ERN1: variants seen among roughly 807,000 people sequenced by gnomAD.
The protein encoded by ERN1 is serine/threonine-protein kinase/endoribonuclease IRE1.
A neutral mutation model predicts 113.1 loss-of-function variants in ERN1; 39 were observed. That is an observed-to-expected ratio of 0.34 (90% CI 0.27 to 0.45). The LOEUF (loss-of-function observed/expected upper bound fraction) is 0.45, where lower values mean the gene tolerates loss of function less well. ERN1 is among the 20% of genes least tolerant of loss of function. The pLI is 1.00. For missense variants in ERN1, 976 were observed against 1,274.8 expected (o/e 0.77, Z 3.57); for synonymous variants, 507 against 515.9 (o/e 0.98, Z 0.23).
intron 1 of ERN1, among the ~76,000 whole-genome samples, chr17:64,122,650 A>G (rs1433399866): frequency 6.6e-6 from 1 of 152,220 alleles, no homozygotes; most frequent in Non-Finnish European, 1.5e-5. Context: ...AGTGTCCTCA[A>G]TAAATTGTGT....
At chr17:64,071,949 C>A in intron 6 of ERN1, 32 bp downstream of exon 6, 1 of 1,550,270 alleles carries the variant, frequency 6.5e-7, no homozygotes, top group Non-Finnish European at 8.7e-7. Flanking sequence ...TGGAAACAGG[C>A]AGGTTGTAGA....
intron 16 of ERN1, 121 bp downstream of exon 16, chr17:64,053,151 A>T: frequency 2.2e-6 from 2 of 921,802 alleles, no homozygotes; most frequent in Non-Finnish European, 1.6e-6. Context: ...CATCTTTGCT[A>T]CTGGTGATAT....
chr17:64,109,020 A>C (rs574151254), intron 1 of ERN1, among the ~76,000 whole-genome samples: 32 of 152,250 alleles, frequency 2.1e-4, no homozygotes, highest in Admixed American at 5.9e-4. Context: ...ATTACTTGGG[A>C]GGCTGAGGCA....
intron 1 of ERN1, among the ~76,000 whole-genome samples, chr17:64,120,888 C>A (rs1333350812): frequency 6.6e-6 from 1 of 152,200 alleles, no homozygotes; most frequent in Non-Finnish European, 1.5e-5. Flanking sequence ...TGATATAATA[C>A]AGCCCCTTTA....
intron 12 of ERN1, 55 bp from the exon 13 acceptor site, chr17:64,056,003 G>A (rs1481568497): frequency 1.1e-5 from 17 of 1,490,572 alleles, no homozygotes; most frequent in South Asian, 8.1e-5. Context: ...AGGGAAACAA[G>A]CAGCTGGGAA....
intron 6 of ERN1, among the ~76,000 whole-genome samples, chr17:64,070,792 T>C (rs1046367688): frequency 5.3e-5 from 8 of 152,228 alleles, no homozygotes; most frequent in Non-Finnish European, 1.2e-4. Context: ...GTTTCTCCTT[T>C]TAGCTTTAAG....
chr17:64,104,075 C>CA (rs112224039), intron 1 of ERN1, among the ~76,000 whole-genome samples: 4,170 of 121,168 alleles, frequency 0.034, 67 homozygotes, highest in Middle Eastern at 0.056. Context: ...CCCATCTTGA[C>CA]AAAAAAAAAA....
At chr17:64,077,947 A>G (rs1011318989) in intron 4 of ERN1, among the ~76,000 whole-genome samples, 9 of 152,004 alleles carry the variant, frequency 5.9e-5, no homozygotes, top group Non-Finnish European at 1.2e-4. Flanking sequence ...GGGTTTCACC[A>G]TGGTCTCGAT....
intron 2 of ERN1, among the ~76,000 whole-genome samples, chr17:64,096,983 A>C (rs780298158): frequency 7.2e-5 from 11 of 152,230 alleles, no homozygotes; most frequent in Non-Finnish European, 1.3e-4. Context: ...TCATCTCTGG[A>C]CAAAATAGGA....
chr17:64,098,137 T>C lies in ERN1; in HGVS notation c.159A>G (p.Lys53=). 1.9e-6 allele frequency: 3 copies of C among 1,614,010 alleles called. No homozygotes were observed. Among genetic ancestry groups the C allele is most frequent in the Non-Finnish European group, 2.5e-6 (3 of 1,179,884 alleles). ...CCAAATTACCTTCTTTTAAAGTCCA[T>C]TTGATTGAGCCTGTCCTCTTGCTGA... ...HAVSKRTGSI[K]WTLKEDPVLQ... The change falls in exon 2 of 22, where the codon AAA becomes AAG. Residue 53 remains lysine (K), a synonymous_variant. Transcript: ENST00000433197.
rs1369824550 is a variant in ERN1 at position 64,079,642 on chromosome 17, A to G, written c.282+20T>C. 1 of 1,604,498 alleles carries G rather than the reference A, an allele frequency of 6.2e-7. No homozygotes were observed. Among genetic ancestry groups the G allele is most frequent in the Admixed American group, 1.7e-5 (1 of 59,990 alleles). On this transcript the variant is annotated intron_variant, in intron 4 of 21. Coordinates refer to ENST00000433197, the MANE Select transcript of ERN1 (RefSeq NM_001433.5). ...TGGTCTAGAACCCCTGGAGTACAAAAAGCAGCTAAATATACTCACCGTCAG... is the reference window on the plus strand; with the variant it reads ...TGGTCTAGAACCCCTGGAGTACAAAGAGCAGCTAAATATACTCACCGTCAG...
chr17:64,059,328 TG>T (rs1912977879), intron 11 of ERN1, among the ~76,000 whole-genome samples: 1 of 152,236 alleles, frequency 6.6e-6, no homozygotes, highest in Non-Finnish European at 1.5e-5. Context: ...GTTGTGCTTT[TG>T]GTCTCGGCAT....
intron 2 of ERN1, among the ~76,000 whole-genome samples, chr17:64,093,684 T>A (rs1914150445): frequency 6.6e-6 from 1 of 152,134 alleles, no homozygotes; most frequent in Non-Finnish European, 1.5e-5. Flanking sequence ...CCCATCTTCA[T>A]GATTATCTCC....
At chr17:64,046,132 G>A (rs993153577) in intron 19 of ERN1, among the ~76,000 whole-genome samples, 2 of 152,228 alleles carry the variant, frequency 1.3e-5, no homozygotes, top group African/African-American at 4.8e-5. Flanking sequence ...GACACAGGGA[G>A]TGGTGAGCCC....
At position 64,115,366 on chromosome 17, in the gene ERN1, A is replaced by G. The variant is rs112594030; in HGVS notation, c.54+14610T>C. Among the ~76,000 whole-genome samples, 528 of 152,330 alleles carry G rather than the reference A, an allele frequency of 3.5e-3. 2 individuals carry two copies. Among genetic ancestry groups the G allele is most frequent in the African/African-American group, 0.012 (509 of 41,568 alleles). ...ACTCTTATCCTACATATATGCAGAA[A>G]GAAGGGTCCTGTTACACACAAGGCA... On this transcript the variant is annotated intron_variant, in intron 1 of 21. Coordinates refer to ENST00000433197, the MANE Select transcript of ERN1 (RefSeq NM_001433.5).
intron 1 of ERN1, chr17:64,102,583 A>C: frequency 1.2e-6 from 1 of 853,270 alleles, no homozygotes; most frequent in Non-Finnish European, 1.4e-6. Context: ...AACATGCCTG[A>C]GTTCAAATGT....
In ERN1 at chr17:64,043,045, C is replaced by T. The variant is rs570441953; in HGVS notation, c.*943G>A. On this transcript the variant is annotated 3_prime_UTR_variant, in exon 22 of 22. Transcript: ENST00000433197. The stretch of plus-strand genomic sequence containing the variant: ...ACTCACCACGAGCCTCTTGTTCCAC[C>T]GGCCTTGGGGACGAAGGAGTTTGAC... The T allele has an allele frequency of 3.1e-4, 47 of 152,408 alleles. No individual in the cohort carries two copies. The highest frequency in any genetic ancestry group is 5.6e-4 in the Non-Finnish European group (38 of 68,054). The allele number at this position is 152,408 out of a possible 1,614,324, so 9.4% of individuals were successfully genotyped here.
chr17:64,049,423 GC>G lies in ERN1; in HGVS notation c.2254-222del. Among the ~76,000 whole-genome samples the G allele has an allele frequency of 6.6e-6, 1 of 152,332 alleles. No individual in the cohort carries two copies. The highest frequency in any genetic ancestry group is 1.9e-4 in the East Asian group (1 of 5,182). Reference sequence around the variant, plus strand: ...AACCTGGGCTTGGAGCCACCTGGAAGCCCCTGGTTCCCTCTCATGTGAGATG... The same window carrying G: ...AACCTGGGCTTGGAGCCACCTGGAAGCCCTGGTTCCCTCTCATGTGAGATG... On this transcript the variant is annotated intron_variant, in intron 17 of 21. Coordinates refer to ENST00000433197, the MANE Select transcript of ERN1 (RefSeq NM_001433.5). This position sits in a 1 kb window ranked among gnomAD's most constrained non-coding sequence, Gnocchi z 4.7.
intron 1 of ERN1, among the ~76,000 whole-genome samples, chr17:64,118,060 C>A (rs1157251340): frequency 2.0e-5 from 3 of 152,144 alleles, no homozygotes; most frequent in Non-Finnish European, 2.9e-5. Flanking sequence ...AGCAAAGCAG[C>A]CCTCCCATCT....
Sources: allele counts gnomAD v4.1 joint callset (sites outside exome capture counted in the v4.1 genomes callset), GRCh38; gene constraint gnomAD v4.1.1; non-coding constraint Gnocchi (gnomAD v3.1); transcripts MANE v1.5; gene names NCBI Gene and HGNC (gene_info 2026-07-23, HGNC 2026-07-21).